Variants in HMGN5 observed in about 807,000 individuals in gnomAD.
HMGN5 encodes high mobility group nucleosome-binding domain-containing protein 5.
A neutral mutation model predicts 9.5 loss-of-function variants in HMGN5; 4 were observed. The observed-to-expected ratio is 0.42, with a 90% CI of 0.21 to 0.96. HMGN5 has a LOEUF of 0.96. HMGN5 is among the 40% of genes least tolerant of loss of function. The pLI, the probability that HMGN5 is intolerant of heterozygous loss-of-function variation, is 0.30. For missense variants in HMGN5, 192 were observed against 187.5 expected, an observed-to-expected ratio of 1.02 and a Z score of -0.14; for synonymous variants, 55 against 57.1, an observed-to-expected ratio of 0.96 and a Z score of 0.16.
intron 1 of HMGN5, among the ~76,000 whole-genome samples, chrX:81,181,404 G>C (rs2075462527): frequency 9.0e-6 from 1 of 110,902 alleles, no homozygotes. Context: ...TAATCATATT[G>C]GTGTAAATGG....
At chrX:81,195,419 G>A (rs2075505252) in intron 1 of HMGN5, 1 of 111,049 alleles carries the variant, frequency 9.0e-6, no homozygotes, top group African/African-American at 3.3e-5. Context: ...CAGACTGAGG[G>A]TGGGTAAGCA....
chrX:81,174,140 AT>A (rs1173555132), intron 1 of HMGN5, among the ~76,000 whole-genome samples: 2 of 111,644 alleles, frequency 1.8e-5, no homozygotes, highest in Admixed American at 1.9e-4. Flanking sequence ...TCTTAAAAAA[AT>A]GTTTATTACA....
chrX:81,133,056 C>A (rs967496679), intron 1 of HMGN5, among the ~76,000 whole-genome samples: 9 of 111,311 alleles, frequency 8.1e-5, no homozygotes, highest in African/African-American at 1.3e-4. Flanking sequence ...CATGAACAGA[C>A]AATTCTCAAA....
At chrX:81,161,474 A>G (rs1387139533) in intron 1 of HMGN5, among the ~76,000 whole-genome samples, 1 of 111,270 alleles carries the variant, frequency 9.0e-6, no homozygotes, top group African/African-American at 3.3e-5. Flanking sequence ...GCATAATAAA[A>G]TTGTTGTTGT....
rs1218393352 is a variant in HMGN5 at position 81,121,593 on chromosome X, C to T, written c.-44G>A. 1 of 1,093,645 alleles carries T rather than the reference C, an allele frequency of 9.1e-7. No individual in the cohort carries two copies. The highest frequency in any genetic ancestry group is 3.1e-5 in the East Asian group (1 of 32,185). The allele number at this position is 1,093,645 out of a possible 1,213,427, so 90.1% of individuals were successfully genotyped here. A position where few individuals can be genotyped will look rare whatever the true frequency, so the allele number is the denominator to read the frequency against. ...GAGATCTTAGTCAGCAGAAAAAAAG[C>T]CGAAGGCAGTCACTGCCTGACTGCT... On this transcript the variant is annotated 5_prime_UTR_variant, in exon 2 of 7. Coordinates refer to ENST00000358130, the MANE Select transcript of HMGN5 (RefSeq NM_030763.3).
intron 1 of HMGN5, among the ~76,000 whole-genome samples, chrX:81,155,907 A>C (rs192142274): frequency 9.0e-6 from 1 of 111,580 alleles, no homozygotes; most frequent in East Asian, 2.8e-4. Flanking sequence ...CACACAAACA[A>C]ATGAGTGCAT....
chrX:81,123,882 G>C (rs1363610679), intron 1 of HMGN5, among the ~76,000 whole-genome samples: 1 of 112,258 alleles, frequency 8.9e-6, no homozygotes, highest in Non-Finnish European at 1.9e-5. Context: ...GTTTGATTGA[G>C]GAAGTGGAAT....
chrX:81,159,588 G>C (rs1369674916), intron 1 of HMGN5, among the ~76,000 whole-genome samples: 3 of 110,878 alleles, frequency 2.7e-5, no homozygotes, highest in Non-Finnish European at 3.8e-5. Flanking sequence ...ATAACCATTT[G>C]AGCCAGAGGG....
intron 1 of HMGN5, among the ~76,000 whole-genome samples, chrX:81,122,768 A>T (rs1312554741): frequency 1.8e-5 from 2 of 111,493 alleles, no homozygotes; most frequent in African/African-American, 6.5e-5. Context: ...GTGACTTTCG[A>T]CTGTAAGAGA....
intron 1 of HMGN5, among the ~76,000 whole-genome samples, chrX:81,166,368 A>G (rs2075411354): frequency 9.0e-6 from 1 of 111,723 alleles, no homozygotes; most frequent in African/African-American, 3.2e-5. Context: ...GTTACTACAT[A>G]TGTATACTTT....
chrX:81,141,662 A>T (rs984297985), intron 1 of HMGN5, among the ~76,000 whole-genome samples: 4 of 111,869 alleles, frequency 3.6e-5, no homozygotes. Context: ...AGCATCCCAA[A>T]ACAGATACAG....
intron 1 of HMGN5, among the ~76,000 whole-genome samples, chrX:81,148,386 T>C (rs1033940432): frequency 8.9e-6 from 1 of 112,253 alleles, no homozygotes; most frequent in South Asian, 3.7e-4. Context: ...TGGGAAAGGA[T>C]TCTTTATTTA....
chrX:81,191,337 A>C (rs1227115238), intron 1 of HMGN5, among the ~76,000 whole-genome samples: 1 of 111,647 alleles, frequency 9.0e-6, no homozygotes, highest in Non-Finnish European at 1.9e-5. Context: ...GCAGGTATTC[A>C]TGTTTCATTC....
At chrX:81,133,238 G>A (rs746918982) in intron 1 of HMGN5, among the ~76,000 whole-genome samples, 5 of 111,336 alleles carry the variant, frequency 4.5e-5, no homozygotes, top group African/African-American at 1.3e-4. Context: ...AAAAAGGAAC[G>A]CTTATACAGT....
In HMGN5 at chrX:81,155,020, C is replaced by T. The variant is rs6622416; in HGVS notation, c.-123-33348G>A. On this transcript the variant is annotated intron_variant, in intron 1 of 6. Coordinates refer to ENST00000358130, the MANE Select transcript of HMGN5 (RefSeq NM_030763.3). ...AAAATAGAGCTACTAAAAGTATGAT[C>T]CAGCAATCCCACTGCCGGGTATATG... Among the ~76,000 whole-genome samples, 3 of 100,094 alleles carry T rather than the reference C, an allele frequency of 3.0e-5. No individual in the cohort carries two copies. The East Asian group carries it at 9.3e-4, about 31-fold the overall frequency. 86.9% of individuals were successfully genotyped at this position (100,094 alleles called of 115,157 possible).
At chrX:81,171,979 A>G (rs2075426945) in intron 1 of HMGN5, among the ~76,000 whole-genome samples, 1 of 112,028 alleles carries the variant, frequency 8.9e-6, no homozygotes, top group South Asian at 3.6e-4. Context: ...CATAAAGTGT[A>G]GCTCTATTAA....
At chrX:81,177,225 C>T (rs1305549302) in intron 1 of HMGN5, among the ~76,000 whole-genome samples, 1 of 107,047 alleles carries the variant, frequency 9.3e-6, no homozygotes, top group African/African-American at 3.4e-5. Flanking sequence ...AATTTCAACC[C>T]AGAATTTCAT....
chrX:81,182,221 A>G (rs2075464861), intron 1 of HMGN5, among the ~76,000 whole-genome samples: 2 of 111,860 alleles, frequency 1.8e-5, no homozygotes, highest in Admixed American at 9.5e-5. Flanking sequence ...CTTTTCATAT[A>G]TCTGTTTATC....
At chrX:81,143,151 A>G (rs1223533660) in intron 1 of HMGN5, among the ~76,000 whole-genome samples, 1 of 112,160 alleles carries the variant, frequency 8.9e-6, no homozygotes, top group Non-Finnish European at 1.9e-5. Context: ...AATAAGAAAC[A>G]AGAAACTTAA....
Sources: allele counts gnomAD v4.1 joint callset (sites outside exome capture counted in the v4.1 genomes callset), GRCh38; gene constraint gnomAD v4.1.1; transcripts MANE v1.5; gene names NCBI Gene and HGNC (gene_info 2026-07-23, HGNC 2026-07-21).